Variants in ADARB2 observed in about 807,000 individuals in gnomAD.
ADARB2 encodes the protein inactive double-stranded RNA-specific editase B2.
A neutral mutation model predicts 62.2 loss-of-function variants in ADARB2; 25 were observed. The ratio of observed to expected loss-of-function variants is 0.40; its 90% CI spans 0.29 to 0.56. The LOEUF (loss-of-function observed/expected upper bound fraction) is 0.56. Among genes scored for constraint, ADARB2 ranks in the 20% least tolerant of loss-of-function variants. ADARB2 has a pLI of 0.43. For synonymous variants in ADARB2, 572 were observed against 500.8 expected (o/e 1.14, Z -1.90); for missense variants, 1,071 against 1,077.4 (o/e 0.99, Z 0.08).
At chr10:1,249,672 A>G (rs1170466656) in intron 4 of ADARB2, among the ~76,000 whole-genome samples, 1 of 151,670 alleles carries the variant, frequency 6.6e-6, no homozygotes, top group African/African-American at 2.4e-5. Context: ...ATGGGGAAGC[A>G]CTCCAGGCAT....
At chr10:1,506,520 G>A (rs1052042968) in intron 1 of ADARB2, among the ~76,000 whole-genome samples, 12 of 152,204 alleles carry the variant, frequency 7.9e-5, no homozygotes, top group Non-Finnish European at 1.8e-4. Flanking sequence ...GTCTAGGCAT[G>A]CCCTTCTAGA....
chr10:1,643,319 A>G (rs1389251962), intron 1 of ADARB2, among the ~76,000 whole-genome samples: 3 of 152,192 alleles, frequency 2.0e-5, no homozygotes, highest in African/African-American at 7.2e-5. Flanking sequence ...CTGCACCTAT[A>G]AACTTAGCCA....
At chr10:1,471,276 C>T (rs1028123510) in intron 1 of ADARB2, among the ~76,000 whole-genome samples, 1 of 152,216 alleles carries the variant, frequency 6.6e-6, no homozygotes, top group Non-Finnish European at 1.5e-5. Context: ...TTCTGAAGCT[C>T]CACAGAGCAA....
chr10:1,413,759 A>G (rs1316716812), intron 1 of ADARB2, among the ~76,000 whole-genome samples: 1 of 152,196 alleles, frequency 6.6e-6, no homozygotes, highest in Admixed American at 6.5e-5. Context: ...CCCGGGCACA[A>G]TGACAAATTC....
At chr10:1,656,504 AAG>A (rs1033346677) in intron 1 of ADARB2, among the ~76,000 whole-genome samples, 4 of 151,354 alleles carry the variant, frequency 2.6e-5, no homozygotes, top group African/African-American at 4.9e-5. Context: ...GGTTGGGGGA[AAG>A]AGAGAGAGGG....
chr10:1,393,118 A>T (rs1293997750), intron 1 of ADARB2, among the ~76,000 whole-genome samples: 2 of 152,232 alleles, frequency 1.3e-5, no homozygotes, highest in East Asian at 3.8e-4. Context: ...AGGGCTAGCA[A>T]CTAGTCGCAC....
At chr10:1,465,529 T>C (rs1831243568) in intron 1 of ADARB2, among the ~76,000 whole-genome samples, 1 of 152,178 alleles carries the variant, frequency 6.6e-6, no homozygotes, top group Non-Finnish European at 1.5e-5. Flanking sequence ...GCCGACACAG[T>C]GAGCCCCAGA....
chr10:1,348,390 C>T (rs990887956), intron 3 of ADARB2, among the ~76,000 whole-genome samples: 1 of 152,294 alleles, frequency 6.6e-6, no homozygotes, highest in East Asian at 1.9e-4. Context: ...GGTCTTGCTG[C>T]TGCTGCCACT....
At chr10:1,310,592 T>G (rs1831680423) in intron 3 of ADARB2, among the ~76,000 whole-genome samples, 1 of 152,218 alleles carries the variant, frequency 6.6e-6, no homozygotes, top group African/African-American at 2.4e-5. Context: ...CACTCGGTGC[T>G]GGGCACTGTT....
chr10:1,718,684 T>C (rs1311431385), intron 1 of ADARB2, among the ~76,000 whole-genome samples: 1 of 152,158 alleles, frequency 6.6e-6, no homozygotes, highest in East Asian at 1.9e-4. Flanking sequence ...TCACGGCTGC[T>C]TTACCTAGGG....
At chr10:1,690,988 C>G (rs565893737) in intron 1 of ADARB2, among the ~76,000 whole-genome samples, 2 of 152,194 alleles carry the variant, frequency 1.3e-5, no homozygotes, top group Non-Finnish European at 2.9e-5. Flanking sequence ...CCCTTTCCTT[C>G]TGGGTGCGGG....
chr10:1,614,489 T>C (rs1742157186), intron 1 of ADARB2, among the ~76,000 whole-genome samples: 1 of 152,252 alleles, frequency 6.6e-6, no homozygotes, highest in African/African-American at 2.4e-5. Context: ...TCAGGGTTTA[T>C]AACGAGTGAA....
At chr10:1,735,924 C>A (rs1451641071) in intron 1 of ADARB2, among the ~76,000 whole-genome samples, 1 of 152,194 alleles carries the variant, frequency 6.6e-6, no homozygotes, top group African/African-American at 2.4e-5. Flanking sequence ...AGGAAACGGT[C>A]TGGTAGAAAC....
At chr10:1,736,925 GC>G (rs1835309319) in intron 1 of ADARB2, 125 bp downstream of exon 1, 3 of 934,318 alleles carry the variant, frequency 3.2e-6, no homozygotes, top group South Asian at 3.1e-5. Flanking sequence ...GCACGGAGCA[GC>G]CATCCCGCCA....
At chr10:1,728,212 G>C (rs993424362) in intron 1 of ADARB2, among the ~76,000 whole-genome samples, 1 of 152,048 alleles carries the variant, frequency 6.6e-6, no homozygotes, top group Non-Finnish European at 1.5e-5. Context: ...TATTTCAGTT[G>C]GTGTAAAATA....
At chr10:1,293,264 G>A (rs1372283982) in intron 3 of ADARB2, among the ~76,000 whole-genome samples, 1 of 132,842 alleles carries the variant, frequency 7.5e-6, no homozygotes, top group Non-Finnish European at 1.6e-5. Flanking sequence ...GGGACAGAGG[G>A]AGGGAAGGAG....
intron 3 of ADARB2, among the ~76,000 whole-genome samples, chr10:1,320,570 C>T (rs1831786198): frequency 1.3e-5 from 2 of 152,192 alleles, no homozygotes; most frequent in African/African-American, 2.4e-5. Context: ...AGTTCTTAGT[C>T]ATAATATATA....
At chr10:1,486,189 C>T (rs914518726) in intron 1 of ADARB2, among the ~76,000 whole-genome samples, 25 of 142,674 alleles carry the variant, frequency 1.8e-4, no homozygotes, top group Admixed American at 3.6e-4. Flanking sequence ...TGTGTGTGTG[C>T]ATGTGTATGT....
rs112168376 is a variant in ADARB2, at chr10:1,569,396, G to A, written c.100+167655C>T. The stretch of plus-strand genomic sequence containing the variant: ...AGCCTGTGTCATGAACCCCCAGCCT[G>A]CAGAACGTGAGCAGCAGGAGGCATG... On this transcript the variant is annotated intron_variant, in intron 1 of 9. Coordinates refer to ENST00000381312, the MANE Select transcript of ADARB2 (RefSeq NM_018702.4). Among the ~76,000 whole-genome samples, 1,146 of 152,352 alleles carry A rather than the reference G, an allele frequency of 7.5e-3. 9 individuals carry two copies. The highest frequency in any genetic ancestry group is 0.021 in the African/African-American group (887 of 41,580).
Sources: gnomAD v4.1 joint callset for allele counts (sites outside exome capture counted in the v4.1 genomes callset) on GRCh38, gnomAD v4.1.1 for gene constraint, MANE v1.5 for transcripts, NCBI Gene and HGNC (gene_info 2026-07-23, HGNC 2026-07-21) for gene names.